TFB1M: variants seen among roughly 807,000 people sequenced by gnomAD.
TFB1M encodes dimethyladenosine transferase 1, mitochondrial.
A neutral mutation model predicts 31.1 loss-of-function variants in TFB1M; 27 were observed. The observed-to-expected ratio is 0.87, with a 90% CI of 0.64 to 1.20. The LOEUF (loss-of-function observed/expected upper bound fraction) is 1.20, where lower values mean the gene tolerates loss of function less well. Among genes scored for constraint, TFB1M ranks in the 50% most tolerant of loss-of-function variants. The probability of loss-of-function intolerance (pLI) is 0.00; values close to 1 mark genes in which losing one functional copy is unlikely to be tolerated. For synonymous variants in TFB1M, 166 were observed against 151.8 expected, an observed-to-expected ratio of 1.09 and a Z score of -0.69; for missense variants, 394 against 418.7, an observed-to-expected ratio of 0.94 and a Z score of 0.51.
chr6:155,290,681 CTCT>C (rs1364926698), intron 4 of TFB1M, among the ~76,000 whole-genome samples: 1 of 152,126 alleles, frequency 6.6e-6, no homozygotes, highest in African/African-American at 2.4e-5. Context: ...ATTACTCCAC[CTCT>C]TCTTAAGCCT....
At chr6:155,229,969 A>G in the TFB1M span, among the ~76,000 whole-genome samples, 31 of 151,932 alleles carry the variant, frequency 2.0e-4, no homozygotes, top group East Asian at 1.2e-3. Flanking sequence ...CCATGATTCA[A>G]TTACCTCCCA....
At chr6:155,283,201 C>T (rs1334553700) in intron 5 of TFB1M, among the ~76,000 whole-genome samples, 2 of 152,046 alleles carry the variant, frequency 1.3e-5, no homozygotes, top group East Asian at 1.9e-4. Context: ...GAGGCCAAAG[C>T]GGGTAGGTCA....
intron 2 of TFB1M, among the ~76,000 whole-genome samples, chr6:155,308,539 A>G (rs529232751): frequency 3.9e-5 from 6 of 152,322 alleles, no homozygotes; most frequent in African/African-American, 1.4e-4. Context: ...AAGTCACCCA[A>G]CTAGTAGTAG....
At chr6:155,296,101 T>C (rs1322353614) in intron 4 of TFB1M, among the ~76,000 whole-genome samples, 2 of 152,160 alleles carry the variant, frequency 1.3e-5, no homozygotes, top group Non-Finnish European at 2.9e-5. Flanking sequence ...CTGCTTACCC[T>C]GGAGGGTTTA....
the TFB1M span, chr6:155,251,058 A>C: frequency 6.3e-7 from 1 of 1,583,810 alleles, no homozygotes; most frequent in South Asian, 1.1e-5. Flanking sequence ...GACTGAACAG[A>C]GGCTGGGATT....
At chr6:155,297,148 T>A in intron 3 of TFB1M, 44 bp from the exon 4 acceptor site, 1 of 1,588,862 alleles carries the variant, frequency 6.3e-7, no homozygotes, top group Non-Finnish European at 8.6e-7. Flanking sequence ...TCCATCAATA[T>A]ATTCTGAATA....
At chr6:155,265,495 G>A (rs906446642) in intron 5 of TFB1M, among the ~76,000 whole-genome samples, 11 of 97,818 alleles carry the variant, frequency 1.1e-4, no homozygotes, top group African/African-American at 4.6e-4. Flanking sequence ...AATTTCCTAA[G>A]GCTGGGACAG....
chr6:155,234,564 G>A, the TFB1M span, among the ~76,000 whole-genome samples: 9 of 152,304 alleles, frequency 5.9e-5, no homozygotes, highest in African/African-American at 1.7e-4. Flanking sequence ...CACCATGGCC[G>A]GCTAATTTTT....
the TFB1M span, among the ~76,000 whole-genome samples, chr6:155,241,849 C>T: frequency 9.9e-5 from 15 of 152,274 alleles, no homozygotes; most frequent in Admixed American, 3.9e-4. Flanking sequence ...TTTTCCAAGT[C>T]GCTGTGTGGC....
At position 155,275,722 on chromosome 6, in the gene TFB1M, G is replaced by A. The variant is rs755586771; in HGVS notation, c.666+9436C>T. ...AGGACAGACTTAACAGTAACATCAT[G>A]GCCTCAGCAGGACTCCAGCTCCTTG... On this transcript the variant is annotated intron_variant, in intron 5 of 6. Transcript: ENST00000367166. 7 of 1,611,820 alleles carry A rather than the reference G, an allele frequency of 4.3e-6. No homozygotes were observed. In the South Asian group the frequency reaches 6.6e-5, roughly 15 times the overall value.
chr6:155,252,488 ATAAAG>A (rs1783725127), downstream of TFB1M, among the ~76,000 whole-genome samples: 1 of 152,158 alleles, frequency 6.6e-6, no homozygotes, highest in Non-Finnish European at 1.5e-5. Context: ...AAATAAGTAA[ATAAAG>A]TAGATAAATA....
rs796357523 is a variant in TFB1M, at chr6:155,305,602, A to T, written c.285+5586T>A. Among the ~76,000 whole-genome samples the T allele has an allele frequency of 2.1e-3, 23 of 11,000 alleles. 3 individuals are homozygous for T. Among genetic ancestry groups the T allele is most frequent in the African/African-American group, 5.4e-3 (8 of 1,480 alleles). The allele number at this position is 11,000 out of a possible 152,430, so 7.2% of individuals were successfully genotyped here. ...ATATTAAATTATATATTTATATATAAATATATATATATTAAATTATATATT... is the reference window on the plus strand; with the variant it reads ...ATATTAAATTATATATTTATATATATATATATATATATTAAATTATATATT... On this transcript the variant is annotated intron_variant, in intron 2 of 6. Coordinates refer to ENST00000367166, the MANE Select transcript of TFB1M (RefSeq NM_016020.4).
At chr6:155,273,262 G>C (rs1785025039) in intron 5 of TFB1M, among the ~76,000 whole-genome samples, 1 of 152,170 alleles carries the variant, frequency 6.6e-6, no homozygotes, top group Non-Finnish European at 1.5e-5. Context: ...TAGGCACACT[G>C]ATGTCTACAG....
chr6:155,266,841 C>T (rs113819521), intron 5 of TFB1M, among the ~76,000 whole-genome samples: 7,166 of 85,994 alleles, frequency 0.083, 286 homozygotes, highest in East Asian at 0.24. Context: ...AGCGAGACTC[C>T]GTCTCAAAAA....
the TFB1M span, among the ~76,000 whole-genome samples, chr6:155,235,083 G>C: frequency 1.3e-5 from 2 of 151,944 alleles, no homozygotes; most frequent in Non-Finnish European, 2.9e-5. Flanking sequence ...GAGGGGAACG[G>C]GCCCTGTGCC....
chr6:155,310,603 T>TA (rs1219703347), intron 2 of TFB1M, among the ~76,000 whole-genome samples: 1 of 152,206 alleles, frequency 6.6e-6, no homozygotes, highest in Non-Finnish European at 1.5e-5. Context: ...TCTTATACAA[T>TA]AACAGTGCCT....
chr6:155,243,298 A>C, the TFB1M span, among the ~76,000 whole-genome samples: 1 of 152,028 alleles, frequency 6.6e-6, no homozygotes, highest in Non-Finnish European at 1.5e-5. Context: ...TGGACCTCTC[A>C]CTGTGCTCCC....
chr6:155,302,354 G>T (rs1035713770), intron 2 of TFB1M, among the ~76,000 whole-genome samples: 13 of 152,134 alleles, frequency 8.5e-5, no homozygotes, highest in Non-Finnish European at 1.8e-4. Context: ...GAGAAGGAAA[G>T]AATCTATAGT....
intron 4 of TFB1M, among the ~76,000 whole-genome samples, chr6:155,290,219 T>C (rs1238254987): frequency 6.6e-6 from 1 of 151,682 alleles, no homozygotes; most frequent in African/African-American, 2.4e-5. Context: ...ACCCCGTCTC[T>C]ACTAAAAATG....
Sources: allele counts gnomAD v4.1 joint callset (sites outside exome capture counted in the v4.1 genomes callset), GRCh38; gene constraint gnomAD v4.1.1; transcripts MANE v1.5; gene names NCBI Gene and HGNC (gene_info 2026-07-23, HGNC 2026-07-21).